Variants in PAN3 observed in about 807,000 individuals in gnomAD.
PAN3 encodes poly(A) specific ribonuclease subunit PAN3.
PAN3 carries 19 observed loss-of-function variants against 96.2 expected under a neutral mutation model. The observed-to-expected ratio is 0.20, with a 90% CI of 0.14 to 0.29. The LOEUF (loss-of-function observed/expected upper bound fraction) is 0.29, where lower values mean the gene tolerates loss of function less well. Among genes scored for constraint, PAN3 ranks in the 10% least tolerant of loss-of-function variants. PAN3 has a pLI of 1.00. For missense variants in PAN3, 882 were observed against 1,108.1 expected (o/e 0.80, Z 2.90); for synonymous variants, 433 against 406.6 (o/e 1.06, Z -0.78).
intron 6 of PAN3, among the ~76,000 whole-genome samples, chr13:28,243,275 A>G (rs546892797): frequency 3.0e-4 from 45 of 152,292 alleles, no homozygotes; most frequent in African/African-American, 8.7e-4. Flanking sequence ...CTTGATTTGG[A>G]TACCCTTTTT....
At chr13:28,141,251 C>T (rs1357522011) in intron 1 of PAN3, among the ~76,000 whole-genome samples, 1 of 150,594 alleles carries the variant, frequency 6.6e-6, no homozygotes, top group Non-Finnish European at 1.5e-5. Context: ...GTGATCGTCC[C>T]GCCTCGGCCT....
intron 1 of PAN3, among the ~76,000 whole-genome samples, chr13:28,162,810 C>G (rs1245085552): frequency 2.0e-5 from 3 of 151,190 alleles, no homozygotes; most frequent in Non-Finnish European, 4.4e-5. Flanking sequence ...CCACTGCACT[C>G]CAGCCTGGGT....
intron 6 of PAN3, among the ~76,000 whole-genome samples, chr13:28,222,096 T>G (rs1435187563): frequency 6.6e-6 from 1 of 152,172 alleles, no homozygotes; most frequent in Non-Finnish European, 1.5e-5. Context: ...GTTAACTTAT[T>G]TCATGAAACT....
Position 28,288,033 on chromosome 13 carries a change from A to G in PAN3, c.2434A>G (p.Lys812Glu). Residue 812 changes from lysine to glutamate, a missense_variant, in exon 18 of 19, where the codon AAA becomes GAA. Physicochemically the swap from Lys to Glu is moderately conservative, Grantham distance 56. Around this residue, in one of 3 missense-constraint regions of PAN3, gnomAD observed 76 missense variants for 171.7 expected, o/e 0.44. Coordinates refer to ENST00000380958, the MANE Select transcript of PAN3 (RefSeq NM_175854.8). ...WSETGDRYLL[K>E]LFRDHLFHQV... ...AGAGACTGGAGACCGTTATCTGTTGAAACTCTTTAGGGATCATCTTTTTCA... is the reference window on the plus strand; with the variant it reads ...AGAGACTGGAGACCGTTATCTGTTGGAACTCTTTAGGGATCATCTTTTTCA... 6.2e-7 allele frequency: 1 copy of G among 1,613,716 alleles called. No individual in the cohort carries two copies. Among genetic ancestry groups the G allele is most frequent in the Non-Finnish European group, 8.5e-7 (1 of 1,179,776 alleles).
At chr13:28,198,164 C>G (rs1878286689) in intron 5 of PAN3, among the ~76,000 whole-genome samples, 1 of 151,778 alleles carries the variant, frequency 6.6e-6, no homozygotes, top group African/African-American at 2.4e-5. Flanking sequence ...GGAGCACCTG[C>G]AATCCCAGCT....
chr13:28,175,315 G>A (rs530618223), intron 2 of PAN3, among the ~76,000 whole-genome samples: 1 of 152,266 alleles, frequency 6.6e-6, no homozygotes, highest in East Asian at 1.9e-4. Context: ...CGCAATCATG[G>A]CCCACTGCAG....
chr13:28,223,649 C>T (rs1881648185), intron 6 of PAN3, among the ~76,000 whole-genome samples: 1 of 151,404 alleles, frequency 6.6e-6, no homozygotes, highest in Admixed American at 6.6e-5. Context: ...CTGCAACCTC[C>T]ACCTCCTGGA....
chr13:28,229,219 G>C (rs1882296985), intron 6 of PAN3, among the ~76,000 whole-genome samples: 1 of 152,154 alleles, frequency 6.6e-6, no homozygotes, highest in South Asian at 2.1e-4. Flanking sequence ...ATATACATTT[G>C]AGATATTTTC....
At chr13:28,188,741 C>G (rs1330958989) in intron 4 of PAN3, among the ~76,000 whole-genome samples, 2 of 152,074 alleles carry the variant, frequency 1.3e-5, no homozygotes, top group Non-Finnish European at 2.9e-5. Flanking sequence ...ACAGTTTTCT[C>G]TAGTTTATTA....
intron 17 of PAN3, among the ~76,000 whole-genome samples, chr13:28,283,410 A>G (rs963347537): frequency 5.3e-5 from 8 of 152,224 alleles, no homozygotes; most frequent in African/African-American, 1.9e-4. Flanking sequence ...AGTAAAAAGT[A>G]GGAAAAGTTT....
chr13:28,172,323 G>T (rs1874411235), intron 1 of PAN3, among the ~76,000 whole-genome samples: 1 of 152,082 alleles, frequency 6.6e-6, no homozygotes, highest in South Asian at 2.1e-4. Flanking sequence ...GGGCGTAGTG[G>T]TGGGCGCCTG....
At chr13:28,268,675 C>T (rs1886375848) in intron 12 of PAN3, among the ~76,000 whole-genome samples, 1 of 152,084 alleles carries the variant, frequency 6.6e-6, no homozygotes, top group South Asian at 2.1e-4. Flanking sequence ...GCTTTTTAAT[C>T]TTAAGATTTT....
At position 28,292,581 on chromosome 13, in the gene PAN3, C is replaced by T; in HGVS notation, c.*59C>T. 6.7e-7 allele frequency: 1 copy of T among 1,493,192 alleles called. No homozygotes were observed. Among genetic ancestry groups the T allele is most frequent in the Non-Finnish European group, 9.0e-7 (1 of 1,113,446 alleles). 92.5% of individuals were successfully genotyped at this position (1,493,192 alleles called of 1,614,324 possible). On this transcript the variant is annotated 3_prime_UTR_variant, in exon 19 of 19. Transcript: ENST00000380958. Reference sequence around the variant, plus strand: ...AGACCTTAACCAATAGCAAATTGCACTACAGCTGAACTTTTCATCATCTCA... The same window carrying T: ...AGACCTTAACCAATAGCAAATTGCATTACAGCTGAACTTTTCATCATCTCA...
chr13:28,239,637 AACTG>A, intron 6 of PAN3: 1 of 1,289,744 alleles, frequency 7.8e-7, no homozygotes, highest in Non-Finnish European at 1.0e-6. Context: ...CAATTCATGA[AACTG>A]ACTGATTCGA....
chr13:28,187,405 G>A (rs907707272), intron 4 of PAN3, among the ~76,000 whole-genome samples: 2 of 152,122 alleles, frequency 1.3e-5, no homozygotes, highest in East Asian at 1.9e-4. Flanking sequence ...TATCTGGTAC[G>A]TATTGTGGTT....
chr13:28,138,508 C>T (rs1265231157), upstream of PAN3: 2 of 159,742 alleles, frequency 1.3e-5, no homozygotes, highest in Non-Finnish European at 1.3e-5. Context: ...TCCCCCTTCT[C>T]CCCGGGCGGC....
At chr13:28,242,532 T>A (rs1020350370) in intron 6 of PAN3, among the ~76,000 whole-genome samples, 1 of 152,154 alleles carries the variant, frequency 6.6e-6, no homozygotes, top group Non-Finnish European at 1.5e-5. Flanking sequence ...AACAAAGTGA[T>A]GGGAATAATT....
intron 6 of PAN3, among the ~76,000 whole-genome samples, chr13:28,254,779 C>T (rs1158260991): frequency 6.6e-6 from 1 of 151,756 alleles, no homozygotes; most frequent in Non-Finnish European, 1.5e-5. Flanking sequence ...GAATTCCTAT[C>T]CTATTTTAAT....
chr13:28,276,730 A>G (rs1389380966), intron 14 of PAN3, among the ~76,000 whole-genome samples: 2 of 152,212 alleles, frequency 1.3e-5, no homozygotes, highest in African/African-American at 2.4e-5. Flanking sequence ...TGTTTGTAAT[A>G]GGATAACTTT....
Sources: allele counts gnomAD v4.1 joint callset (sites outside exome capture counted in the v4.1 genomes callset), GRCh38; gene constraint gnomAD v4.1.1; regional missense constraint gnomAD v4.1.1; transcripts MANE v1.5; gene names NCBI Gene and HGNC (gene_info 2026-07-23, HGNC 2026-07-21).